BFSP2: variants seen among roughly 807,000 people sequenced by gnomAD.
BFSP2 encodes the protein phakinin.
Under a neutral mutation model 44.9 loss-of-function variants are expected in BFSP2, and 38 were observed. The ratio of observed to expected loss-of-function variants is 0.85; its 90% CI spans 0.65 to 1.11. BFSP2 has a LOEUF of 1.11. BFSP2 is among the 50% of genes least tolerant of loss of function. The pLI is 0.00. For missense variants in BFSP2, 525 were observed against 533.0 expected (o/e 0.99, Z 0.15); for synonymous variants, 197 against 209.9 (o/e 0.94, Z 0.53).
intron 4 of BFSP2, among the ~76,000 whole-genome samples, chr3:133,465,139 G>A (rs2074098472): frequency 6.6e-6 from 1 of 152,008 alleles, no homozygotes; most frequent in African/African-American, 2.4e-5. Flanking sequence ...GAGTAGCTGG[G>A]ACTACAGGCT....
chr3:133,429,194 T>G (rs1458024847), intron 1 of BFSP2: 1 of 151,968 alleles, frequency 6.6e-6, no homozygotes, highest in Non-Finnish European at 1.5e-5. Context: ...AAACCTTTCC[T>G]AGGACTATTT....
chr3:133,455,311 T>A (rs754032668), intron 4 of BFSP2: 9 of 152,246 alleles, frequency 5.9e-5, no homozygotes, highest in Non-Finnish European at 8.8e-5. Flanking sequence ...CTCACAAAGC[T>A]GCAATCAAGG....
intron 1 of BFSP2, among the ~76,000 whole-genome samples, chr3:133,411,102 C>G (rs1157400840): frequency 6.7e-6 from 1 of 149,572 alleles, no homozygotes; most frequent in Non-Finnish European, 1.5e-5. Flanking sequence ...AAGCATGATC[C>G]ATCAATTTTT....
intron 1 of BFSP2, among the ~76,000 whole-genome samples, chr3:133,411,479 G>A (rs1282558968): frequency 6.6e-6 from 1 of 152,098 alleles, no homozygotes; most frequent in Non-Finnish European, 1.5e-5. Flanking sequence ...GCGACCAGCA[G>A]CCGTTCTGCA....
intron 1 of BFSP2, among the ~76,000 whole-genome samples, chr3:133,428,470 A>C (rs1338458945): frequency 1.0e-5 from 1 of 97,918 alleles, no homozygotes; most frequent in Non-Finnish European, 2.2e-5. Context: ...TGGGGACACA[A>C]AAAAATAGTT....
intron 1 of BFSP2, among the ~76,000 whole-genome samples, chr3:133,425,613 A>G (rs2073636995): frequency 6.6e-6 from 1 of 152,064 alleles, no homozygotes; most frequent in Non-Finnish European, 1.5e-5. Flanking sequence ...TATTCAACAT[A>G]TCAACCCTCA....
intron 1 of BFSP2, among the ~76,000 whole-genome samples, chr3:133,401,343 G>A (rs1324643824): frequency 2.0e-5 from 3 of 152,188 alleles, no homozygotes; most frequent in Admixed American, 2.0e-4. Flanking sequence ...AGCCATATAT[G>A]GCTATCAAGC....
At chr3:133,465,601 A>C (rs538714437) in intron 4 of BFSP2, among the ~76,000 whole-genome samples, 1 of 152,320 alleles carries the variant, frequency 6.6e-6, no homozygotes, top group Admixed American at 6.5e-5. Flanking sequence ...GGAGAAGTTA[A>C]AAACACAGAG....
intron 1 of BFSP2, among the ~76,000 whole-genome samples, chr3:133,424,212 ATTTTTT>A (rs112772093): frequency 6.8e-4 from 44 of 64,770 alleles, no homozygotes; most frequent in Admixed American, 3.2e-3. Flanking sequence ...CGTCCAGCTA[ATTTTTT>A]TTTTTTTTTT....
At chr3:133,427,538 CCTAATCCT>C (rs1403929395) in intron 1 of BFSP2, among the ~76,000 whole-genome samples, 1 of 152,244 alleles carries the variant, frequency 6.6e-6, no homozygotes, top group Non-Finnish European at 1.5e-5. Flanking sequence ...CCCTGCCCTT[CCTAATCCT>C]CTACTTACCA....
intron 1 of BFSP2, among the ~76,000 whole-genome samples, chr3:133,419,922 C>T (rs34673573): frequency 0.14 from 21,181 of 152,250 alleles, 1,600 homozygotes; most frequent in African/African-American, 0.18. Context: ...AACCACTCCG[C>T]CACAGGAGGT....
At chr3:133,436,381 TC>T (rs1576578107) in intron 1 of BFSP2, among the ~76,000 whole-genome samples, 1 of 152,042 alleles carries the variant, frequency 6.6e-6, no homozygotes, top group African/African-American at 2.4e-5. Context: ...CACATTTTTT[TC>T]CATGAATTTA....
chr3:133,467,505 T>C (rs988071396), intron 5 of BFSP2, among the ~76,000 whole-genome samples: 2 of 151,872 alleles, frequency 1.3e-5, no homozygotes, highest in Non-Finnish European at 2.9e-5. Context: ...TCCTTAATGA[T>C]TTGCGAGTTC....
At chr3:133,431,616 A>G (rs186516446) in intron 1 of BFSP2, among the ~76,000 whole-genome samples, 46 of 152,276 alleles carry the variant, frequency 3.0e-4, no homozygotes, top group East Asian at 5.8e-4. Flanking sequence ...CGATCGCCTC[A>G]GAAGCCCCGC....
intron 1 of BFSP2, among the ~76,000 whole-genome samples, chr3:133,420,987 C>T (rs1436867435): frequency 2.0e-5 from 3 of 152,080 alleles, no homozygotes; most frequent in African/African-American, 2.4e-5. Flanking sequence ...CCCTAAGAGT[C>T]CATTTCCTTA....
chr3:133,421,895 T>C (rs1559962514), intron 1 of BFSP2, among the ~76,000 whole-genome samples: 1 of 151,782 alleles, frequency 6.6e-6, no homozygotes, highest in African/African-American at 2.4e-5. Flanking sequence ...GATCACAAGG[T>C]CAAGAGATCA....
At chr3:133,449,064 G>A (rs76194453) in intron 3 of BFSP2, 2,744 of 211,608 alleles carry the variant, frequency 0.013, 79 homozygotes, top group African/African-American at 0.059. Context: ...AGATTATTGA[G>A]TGACAGAACT....
At chr3:133,471,192 G>A (rs1033131906) in intron 5 of BFSP2, among the ~76,000 whole-genome samples, 5 of 152,196 alleles carry the variant, frequency 3.3e-5, no homozygotes, top group African/African-American at 1.2e-4. Context: ...GAGTACTGTG[G>A]CTATTTGTGT....
At chr3:133,460,834 T>C (rs1263412763) in intron 4 of BFSP2, among the ~76,000 whole-genome samples, 1 of 152,242 alleles carries the variant, frequency 6.6e-6, no homozygotes, top group Non-Finnish European at 1.5e-5. Context: ...GGTAGCTGCA[T>C]TCTGCAGTAG....
Sources: gnomAD v4.1 joint callset for allele counts (sites outside exome capture counted in the v4.1 genomes callset) on GRCh38, gnomAD v4.1.1 for gene constraint, MANE v1.5 for transcripts, NCBI Gene and HGNC (gene_info 2026-07-23, HGNC 2026-07-21) for gene names.